Variants in ZNF335 observed in about 807,000 individuals in gnomAD.
ZNF335 encodes the protein zinc finger protein 335, also known as NRC-interacting factor 1.
ZNF335 carries 84 observed loss-of-function variants against 145.6 expected under a neutral mutation model. The ratio of observed to expected loss-of-function variants is 0.58; its 90% CI spans 0.48 to 0.69. ZNF335 has a LOEUF of 0.69. ZNF335 is among the 30% of genes least tolerant of loss of function. The pLI is 0.00. For missense variants in ZNF335, 1,865 were observed against 1,809.7 expected (o/e 1.03, Z -0.55); for synonymous variants, 761 against 717.0 (o/e 1.06, Z -0.98).
Position 45,949,049 on chromosome 20 carries a change from C to T in ZNF335, c.3933G>A (p.Gln1311=), listed in dbSNP as rs1555843401. The T allele has an allele frequency of 1.9e-6, 3 of 1,613,842 alleles. No homozygotes were observed. The highest frequency in any genetic ancestry group is 4.5e-5 in the East Asian group (2 of 44,872). The change falls in exon 28 of 28, where the codon CAG becomes CAA. Residue 1311 remains glutamine (Q), a synonymous_variant. Transcript: ENST00000322927. ...CTGTCTCGTCTGTACCAAACAGGCC[C>T]TGGGCTTGGGCCATGGCAGCATCAG... ...AVADAAMAQA[Q]GLFGTDETVP... is the part of the protein sequence containing the mutation.
At chr20:45,969,047 G>A (rs543192143) in intron 3 of ZNF335, among the ~76,000 whole-genome samples, 2 of 152,274 alleles carry the variant, frequency 1.3e-5, no homozygotes, top group Non-Finnish European at 1.5e-5. Flanking sequence ...CTCATGGCCC[G>A]ACACCCCACA....
chr20:45,951,551 C>A (rs749159448), intron 20 of ZNF335, among the ~76,000 whole-genome samples: 2 of 152,212 alleles, frequency 1.3e-5, no homozygotes, highest in African/African-American at 2.4e-5. Flanking sequence ...CACCTCAGTT[C>A]ATCAGATATT....
intron 17 of ZNF335, 120 bp downstream of exon 17, chr20:45,957,466 C>T: frequency 2.1e-6 from 2 of 936,322 alleles, no homozygotes; most frequent in Non-Finnish European, 3.3e-6. Context: ...TCCTCCACTG[C>T]CTGGGAGCTC....
intron 3 of ZNF335, among the ~76,000 whole-genome samples, chr20:45,969,075 T>G (rs766286702): frequency 6.6e-6 from 1 of 152,194 alleles, no homozygotes; most frequent in African/African-American, 2.4e-5. Context: ...CTGGTGACAG[T>G]GGGTAAGTTA....
intron 20 of ZNF335, 31 bp from the exon 21 acceptor site, chr20:45,950,626 C>T: frequency 6.2e-7 from 1 of 1,612,874 alleles, no homozygotes; most frequent in Non-Finnish European, 8.5e-7. Flanking sequence ...GGGGCATTGG[C>T]TGGGTCAGGA....
rs1362081151 is a variant in ZNF335, at chr20:45,963,572, C to G, written c.1434G>C (p.Glu478Asp). The G allele has an allele frequency of 3.1e-6, 5 of 1,614,074 alleles. No homozygotes were observed. The highest frequency in any genetic ancestry group is 4.2e-6 in the Non-Finnish European group (5 of 1,180,052). Reference protein sequence around the residue: ...RICGSRFLSHEDLRFHVNSHE... With the variant: ...RICGSRFLSHDDLRFHVNSHE... ...GGGAGTTGACGTGGAAGCGCAGGTC[C>G]TCGTGGGACAGAAAGCGAGAACCAC... is the stretch of plus-strand genomic sequence containing the variant. The change falls in exon 9 of 28, where the codon GAG (glutamate) becomes GAC (aspartate). Residue 478 changes from glutamate (E) to aspartate (D), a missense_variant. By Grantham distance (45) the Glu-to-Asp change is conservative. Transcript: ENST00000322927.
At chr20:45,968,577 C>A (rs1452895792) in intron 3 of ZNF335, 2 of 474,986 alleles carry the variant, frequency 4.2e-6, no homozygotes, top group South Asian at 3.9e-5. Flanking sequence ...GACTCAGCAG[C>A]CGGCCCACAC....
Position 45,967,800 on chromosome 20 carries a change from A to G in ZNF335, c.748T>C (p.Cys250Arg). The part of the protein sequence containing the change: ...VVVQQFKCKM[C>R]QYRSSTKATL... ...GCCTTGGTGCTGCTCCGGTACTGGC[A>G]CATCTTGCATTTGAACTGCTGCACC... Residue 250 changes from cysteine (C) to arginine (R), a missense_variant, in exon 5 of 28, where the codon TGC (cysteine) becomes CGC (arginine). By Grantham distance (180) the Cys-to-Arg change is radical. Coordinates refer to ENST00000322927, the MANE Select transcript of ZNF335 (RefSeq NM_022095.4). The G allele has an allele frequency of 6.2e-7, 1 of 1,613,582 alleles. No homozygotes were observed. The highest frequency in any genetic ancestry group is 1.7e-4 in the Middle Eastern group (1 of 6,060).
At position 45,968,035 on chromosome 20, in the gene ZNF335, T is replaced by C. The variant is rs2083992974; in HGVS notation, c.521-8A>G. The C allele has an allele frequency of 6.2e-7, 1 of 1,612,212 alleles. No individual in the cohort carries two copies. Among genetic ancestry groups the C allele is most frequent in the African/African-American group, 1.3e-5 (1 of 74,990 alleles). ...GTGATGTCATGGGGGCTCCTGGGGA[T>C]GGGTGAGGCAATTGGAGGGTGGTTA... is the stretch of plus-strand genomic sequence containing the variant. On this transcript the variant is annotated splice_region_variant and splice_polypyrimidine_tract_variant and intron_variant, in intron 4 of 27. Coordinates refer to ENST00000322927, the MANE Select transcript of ZNF335 (RefSeq NM_022095.4).
chr20:45,972,095 G>A lies in ZNF335; in HGVS notation c.-51+27C>T, dbSNP rs370550756. On this transcript the variant is annotated intron_variant, in intron 1 of 27. Coordinates refer to ENST00000322927, the MANE Select transcript of ZNF335 (RefSeq NM_022095.4). ...CTCACTCCACGGCAGGGTACGGTGGGGCCGCCTAACTCTACCCGAAGCTCA... is the reference window on the plus strand; with the variant it reads ...CTCACTCCACGGCAGGGTACGGTGGAGCCGCCTAACTCTACCCGAAGCTCA... 3.8e-5 allele frequency: 49 copies of A among 1,288,566 alleles called. No homozygotes were observed. The South Asian group carries it at 4.8e-4, about 13-fold the overall frequency. 79.8% of individuals were successfully genotyped at this position (1,288,566 alleles called of 1,614,324 possible). A position where few individuals can be genotyped will look rare whatever the true frequency, so the allele number is the denominator to read the frequency against.
intron 17 of ZNF335, among the ~76,000 whole-genome samples, chr20:45,955,240 G>A (rs2083706323): frequency 6.6e-6 from 1 of 150,540 alleles, no homozygotes; most frequent in South Asian, 2.1e-4. Flanking sequence ...TGTAGTCCCA[G>A]CTACTTGGGA....
In ZNF335 at chr20:45,957,857, G is replaced by A. The variant is rs138057456; in HGVS notation, c.2325C>T (p.Gly775=). ...CACCTTGCTGGTAGATGATGGTGGC[G>A]CCGCCCAGGGTGTCAGAACAGAGCA... ...PSLLCSDTLG[G]ATIIYQQGAE... The change falls in exon 16 of 28, where the codon GGC becomes GGT. Residue 775 remains glycine, a synonymous_variant. Coordinates refer to ENST00000322927, the MANE Select transcript of ZNF335 (RefSeq NM_022095.4). 8 of 1,613,870 alleles carry A rather than the reference G, an allele frequency of 5.0e-6. No individual in the cohort carries two copies. Among genetic ancestry groups the A allele is most frequent in the African/African-American group, 1.3e-5 (1 of 74,966 alleles).
At chr20:45,960,408 G>A in intron 13 of ZNF335, 40 bp from the exon 14 acceptor site, 2 of 1,614,168 alleles carry the variant, frequency 1.2e-6, no homozygotes, top group East Asian at 2.2e-5. Context: ...GTAATGAGCT[G>A]GGGACTGCTC....
rs1294278180 is a variant in ZNF335 at position 45,952,171 on chromosome 20, A to G, written c.3165T>C (p.Ser1055=). The change falls in exon 20 of 28, where the codon AGT becomes AGC. Residue 1055 remains serine, a synonymous_variant. Coordinates refer to ENST00000322927, the MANE Select transcript of ZNF335 (RefSeq NM_022095.4). ...GAFKCPDCPF[S]ARQWPEVRAH... ...CCCGGACCTCGGGCCACTGGCGGGC[A>G]CTGAAGGGGCAGTCGGGGCACTTGA... 6.2e-7 allele frequency: 1 copy of G among 1,607,360 alleles called. No individual in the cohort carries two copies. The highest frequency in any genetic ancestry group is 1.7e-5 in the Admixed American group (1 of 59,676).
chr20:45,949,842 TG>T lies in ZNF335; in HGVS notation c.3626del (p.Ala1209GlufsTer10). 3.1e-6 allele frequency: 5 copies of T among 1,614,162 alleles called. No individual in the cohort carries two copies. The highest frequency in any genetic ancestry group is 4.2e-6 in the Non-Finnish European group (5 of 1,180,020). ...EAAYIQEITTADGQTVQHLVT... is the reference protein window; with the variant it reads ...EAAYIQEITTXDGQTVQHLVT... ...CCAGGTGCTGTACGGTCTGGCCATC[TG>T]CCGTGGTGATCTCTTGGATGTAGGC... is the stretch of plus-strand genomic sequence containing the variant. On this transcript the variant is annotated frameshift_variant, in exon 24 of 28. Transcript: ENST00000322927. LOFTEE classifies it high-confidence loss of function.
chr20:45,965,359 C>T (rs2083931931), intron 7 of ZNF335, among the ~76,000 whole-genome samples: 1 of 152,114 alleles, frequency 6.6e-6, no homozygotes, highest in African/African-American at 2.4e-5. Context: ...TTATCTTACG[C>T]ATTCAGTGAT....
At chr20:45,949,680 G>A (rs2083591908) in intron 24 of ZNF335, 112 bp from the exon 25 acceptor site, 12 of 1,454,396 alleles carry the variant, frequency 8.3e-6, no homozygotes, top group Non-Finnish European at 1.1e-5. Context: ...CAACAATGCA[G>A]TTGTTGGCAA....
At position 45,960,431 on chromosome 20, in the gene ZNF335, G is replaced by T. The variant is rs2083818358; in HGVS notation, c.1859+18C>A. 2 of 1,613,988 alleles carry T rather than the reference G, an allele frequency of 1.2e-6. No individual in the cohort carries two copies. The highest frequency in any genetic ancestry group is 1.1e-5 in the South Asian group (1 of 91,084). Reference sequence around the variant, plus strand: ...CTGGGGACTGCTCCCGTCCCCAGGGGCCTCCAAGGGGATGTACCTGCGGTT... The same window carrying T: ...CTGGGGACTGCTCCCGTCCCCAGGGTCCTCCAAGGGGATGTACCTGCGGTT... On this transcript the variant is annotated intron_variant, in intron 13 of 27. Transcript: ENST00000322927.
chr20:45,971,934 C>CGA, intron 1 of ZNF335, 188 bp downstream of exon 1: 1 of 985,446 alleles, frequency 1.0e-6, no homozygotes, highest in Non-Finnish European at 1.2e-6. Context: ...GCTCCAGGCC[C>CGA]GACGCCATCT....
Sources: allele counts gnomAD v4.1 joint callset (sites outside exome capture counted in the v4.1 genomes callset), GRCh38; gene constraint gnomAD v4.1.1; transcripts MANE v1.5; gene names NCBI Gene and HGNC (gene_info 2026-07-23, HGNC 2026-07-21).